The following GPHN variants were observed in gnomAD, a reference collection of about 807,000 sequenced individuals.
GPHN encodes the protein gephyrin.
A neutral mutation model predicts 95.5 loss-of-function variants in GPHN; 17 were observed. That is an observed-to-expected ratio of 0.18 (90% CI 0.12 to 0.27). The LOEUF is 0.27. Ranked by LOEUF, GPHN falls within the 10% of genes least tolerant of loss-of-function variation. The probability of loss-of-function intolerance (pLI) is 1.00; values close to 1 mark genes in which losing one functional copy is unlikely to be tolerated. For missense variants in GPHN, 660 were observed against 978.1 expected (o/e 0.67, Z 4.34); for synonymous variants, 320 against 322.5 (o/e 0.99, Z 0.08).
intron 9 of GPHN, among the ~76,000 whole-genome samples, chr14:66,993,679 C>T (rs1275003966): frequency 6.6e-6 from 1 of 152,052 alleles, no homozygotes; most frequent in African/African-American, 2.4e-5. Flanking sequence ...TGGGGAAGAA[C>T]AGATGAAACA....
At chr14:67,350,735 A>G in the GPHN span, 2 of 1,525,144 alleles carry the variant, frequency 1.3e-6, no homozygotes, top group Non-Finnish European at 1.8e-6. Flanking sequence ...AGCCTTTTAC[A>G]AGGAAATATT....
At chr14:66,976,914 G>A (rs1312555289) in intron 9 of GPHN, among the ~76,000 whole-genome samples, 1 of 93,822 alleles carries the variant, frequency 1.1e-5, no homozygotes, top group Non-Finnish European at 1.9e-5. Flanking sequence ...ACAGAAATAT[G>A]TGGGGGGGGG....
chr14:66,856,841 T>C (rs2062823364), intron 4 of GPHN, among the ~76,000 whole-genome samples: 1 of 152,130 alleles, frequency 6.6e-6, no homozygotes, highest in East Asian at 1.9e-4. Flanking sequence ...TTTATCATTA[T>C]TAGGTAAATC....
intron 17 of GPHN, among the ~76,000 whole-genome samples, chr14:67,139,262 CA>C (rs1461510756): frequency 6.6e-6 from 1 of 151,918 alleles, no homozygotes; most frequent in African/African-American, 2.4e-5. Context: ...CTCACTACAT[CA>C]CCCAGGCTAG....
the GPHN span, among the ~76,000 whole-genome samples, chr14:67,577,705 A>G: frequency 6.6e-6 from 1 of 152,174 alleles, no homozygotes; most frequent in Non-Finnish European, 1.5e-5. Context: ...TTGCTTCTGG[A>G]CTGAGAGATT....
chr14:66,736,652 G>C (rs185575554), intron 2 of GPHN, among the ~76,000 whole-genome samples: 3 of 151,854 alleles, frequency 2.0e-5, no homozygotes, highest in Non-Finnish European at 4.4e-5. Flanking sequence ...TTATCCACCC[G>C]CCTCGGCCTC....
the GPHN span, among the ~76,000 whole-genome samples, chr14:67,256,924 A>C: frequency 6.6e-6 from 1 of 152,178 alleles, no homozygotes; most frequent in African/African-American, 2.4e-5. Context: ...AAAATATCTG[A>C]CAGGTCTCAT....
chr14:66,720,988 G>T (rs1225910507), intron 2 of GPHN, among the ~76,000 whole-genome samples: 3 of 152,136 alleles, frequency 2.0e-5, no homozygotes, highest in Non-Finnish European at 4.4e-5. Flanking sequence ...TTGAAGAAAA[G>T]GTTATTAAAT....
the GPHN span, among the ~76,000 whole-genome samples, chr14:67,658,319 G>GCA: frequency 6.6e-6 from 1 of 152,164 alleles, no homozygotes; most frequent in Admixed American, 6.5e-5. Context: ...AACTCGCCAG[G>GCA]CGTGGTGGGT....
At chr14:67,268,842 G>A in the GPHN span, among the ~76,000 whole-genome samples, 1 of 152,108 alleles carries the variant, frequency 6.6e-6, no homozygotes, top group South Asian at 2.1e-4. Context: ...AGCCCAGTAG[G>A]TCTCAGCCTT....
chr14:67,609,670 C>G, the GPHN span, among the ~76,000 whole-genome samples: 1 of 152,154 alleles, frequency 6.6e-6, no homozygotes. Context: ...AACATAAATT[C>G]AGATGTGGTT....
Position 67,089,087 on chromosome 14 carries a change from G to A in GPHN, c.1237+12G>A. 1 of 1,275,302 alleles carries A rather than the reference G, an allele frequency of 7.8e-7. No homozygotes were observed. Among genetic ancestry groups the A allele is most frequent in the Non-Finnish European group, 1.1e-6 (1 of 885,018 alleles). The allele number at this position is 1,275,302 out of a possible 1,614,324, so 79.0% of individuals were successfully genotyped here. On this transcript the variant is annotated intron_variant, in intron 12 of 22. Transcript: ENST00000478722. Reference sequence around the variant, plus strand: ...CTATGCTGTCCGAGGTAAATATTTTGGTTTTCTTAAACATAATCAGGCACT... The same window carrying A: ...CTATGCTGTCCGAGGTAAATATTTTAGTTTTCTTAAACATAATCAGGCACT...
chr14:66,710,373 A>G (rs1190293907), intron 2 of GPHN, among the ~76,000 whole-genome samples: 4 of 152,154 alleles, frequency 2.6e-5, no homozygotes, highest in Non-Finnish European at 5.9e-5. Context: ...TACATATTAT[A>G]TGAGCTGTGT....
chr14:67,085,024 A>G (rs2076830935), intron 11 of GPHN, among the ~76,000 whole-genome samples: 1 of 152,270 alleles, frequency 6.6e-6, no homozygotes, highest in South Asian at 2.1e-4. Context: ...ATGTTTATTA[A>G]TTTTTAGCCT....
chr14:67,221,999 G>T, the GPHN span: 1 of 637,694 alleles, frequency 1.6e-6, no homozygotes, highest in Non-Finnish European at 2.5e-6. Context: ...CGATCCTCAG[G>T]CTATCTTTCA....
the GPHN span, among the ~76,000 whole-genome samples, chr14:67,427,952 C>T: frequency 6.7e-6 from 1 of 149,060 alleles, no homozygotes; most frequent in African/African-American, 2.5e-5. Context: ...GACAAAGTCT[C>T]ACTCTGCTGC....
chr14:67,206,142 C>A, the GPHN span, among the ~76,000 whole-genome samples: 1 of 151,902 alleles, frequency 6.6e-6, no homozygotes, highest in African/African-American at 2.4e-5. Flanking sequence ...CGAGATCATG[C>A]CACTGCTCTG....
chr14:67,646,751 AT>A, the GPHN span: 2 of 1,599,852 alleles, frequency 1.3e-6, no homozygotes, highest in Non-Finnish European at 1.7e-6. Context: ...AAGTTGATGC[AT>A]TTGGCTGAAG....
intron 3 of GPHN, among the ~76,000 whole-genome samples, chr14:66,811,612 C>T (rs2060769704): frequency 6.6e-6 from 1 of 150,944 alleles, no homozygotes; most frequent in Non-Finnish European, 1.5e-5. Context: ...TTTTCACCAA[C>T]TGTCATTTCT....
Sources: gnomAD v4.1 joint callset for allele counts (sites outside exome capture counted in the v4.1 genomes callset) on GRCh38, gnomAD v4.1.1 for gene constraint, MANE v1.5 for transcripts, NCBI Gene and HGNC (gene_info 2026-07-23, HGNC 2026-07-21) for gene names.